Variants in LMNTD1 observed in about 807,000 individuals in gnomAD.
The protein encoded by LMNTD1 is lamin tail domain-containing protein 1.
Under a neutral mutation model 50.9 loss-of-function variants are expected in LMNTD1, and 35 were observed. That is an observed-to-expected ratio of 0.69 (90% CI 0.53 to 0.91). The LOEUF is 0.91. Ranked by LOEUF, LMNTD1 falls within the 40% of genes least tolerant of loss-of-function variation. LMNTD1 has a pLI of 0.00. For synonymous variants in LMNTD1, 153 were observed against 161.9 expected (o/e 0.94, Z 0.42); for missense variants, 470 against 475.5 (o/e 0.99, Z 0.11).
chr12:25,561,355 T>C (rs1944313317), intron 1 of LMNTD1, among the ~76,000 whole-genome samples: 2 of 152,244 alleles, frequency 1.3e-5, no homozygotes, highest in South Asian at 2.1e-4. Context: ...TTTGTTCTCC[T>C]TGGTTTCAAA....
At chr12:25,489,305 G>T (rs181740597) in intron 9 of LMNTD1, among the ~76,000 whole-genome samples, 5 of 150,700 alleles carry the variant, frequency 3.3e-5, no homozygotes, top group African/African-American at 9.7e-5. Flanking sequence ...GACCCTCCGA[G>T]CCAGGTGTGG....
chr12:25,477,937 T>G (rs1281670264), intron 9 of LMNTD1, among the ~76,000 whole-genome samples: 1 of 152,104 alleles, frequency 6.6e-6, no homozygotes, highest in East Asian at 1.9e-4. Flanking sequence ...ACTGAAGAAC[T>G]TGGAGTCCGA....
At chr12:25,527,681 T>TATATATATATATATACAC (rs1463259109) in intron 4 of LMNTD1, among the ~76,000 whole-genome samples, 6 of 32,350 alleles carry the variant, frequency 1.9e-4, no homozygotes, top group Admixed American at 4.0e-4. Context: ...TATATATATA[T>TATATATATATATATACAC]ACACACACAC....
Position 25,526,184 on chromosome 12 carries a change from G to T in LMNTD1, c.713C>A (p.Pro238His). Residue 238 changes from proline (P) to histidine (H), a missense_variant, in exon 6 of 10, where the codon CCT becomes CAT. Coordinates refer to ENST00000458174, the MANE Select transcript of LMNTD1 (RefSeq NM_001145728.2). ...TTCCTTCCAAAGAAAATCTGATGGAGGTTGATGCTTTGCTTCAGATGCTGC... is the reference window on the plus strand; with the variant it reads ...TTCCTTCCAAAGAAAATCTGATGGATGTTGATGCTTTGCTTCAGATGCTGC... ...WAAASEAKHQ[P>H]PSDFLWKEQD... 1 of 1,610,956 alleles carries T rather than the reference G, an allele frequency of 6.2e-7. No individual in the cohort carries two copies. The highest frequency in any genetic ancestry group is 8.5e-7 in the Non-Finnish European group (1 of 1,178,260).
chr12:25,565,489 C>G (rs991896786), intron 1 of LMNTD1, among the ~76,000 whole-genome samples: 1 of 152,182 alleles, frequency 6.6e-6, no homozygotes, highest in African/African-American at 2.4e-5. Context: ...TGTGCCTTAA[C>G]TTTGTCCCCA....
chr12:25,568,105 G>A (rs1265208096), intron 1 of LMNTD1, among the ~76,000 whole-genome samples: 3 of 152,186 alleles, frequency 2.0e-5, no homozygotes, highest in Non-Finnish European at 4.4e-5. Flanking sequence ...GTGAAGTCCA[G>A]TCTGAGAAGG....
rs1943880342 is a variant in LMNTD1 at position 25,553,276 on chromosome 12, A to T, written c.-238T>A. On this transcript the variant is annotated 5_prime_UTR_variant, in exon 1 of 10. Transcript: ENST00000458174. ...GCAGTAACTTGGCAAAGAGACCTTT[A>T]TGACTACAGTTGTTGCTTCTGGCCA... 2.1e-6 allele frequency: 3 copies of T among 1,443,374 alleles called. No homozygotes were observed. Among genetic ancestry groups the T allele is most frequent in the Non-Finnish European group, 1.8e-6 (2 of 1,102,036 alleles). The allele number at this position is 1,443,374 out of a possible 1,614,324, so 89.4% of individuals were successfully genotyped here.
At chr12:25,492,625 T>C (rs906711387) in intron 9 of LMNTD1, among the ~76,000 whole-genome samples, 1 of 152,258 alleles carries the variant, frequency 6.6e-6, no homozygotes, top group Non-Finnish European at 1.5e-5. Context: ...TATCTATACA[T>C]GTGAGCTAGA....
chr12:25,595,213 C>A (rs1236862116), intron 1 of LMNTD1, among the ~76,000 whole-genome samples: 2 of 152,082 alleles, frequency 1.3e-5, no homozygotes, highest in Non-Finnish European at 2.9e-5. Flanking sequence ...TTAAACTATA[C>A]CCTGAAACAA....
chr12:25,556,668 C>G (rs16929056), upstream of LMNTD1, among the ~76,000 whole-genome samples: 4,875 of 152,104 alleles, frequency 0.032, 290 homozygotes, highest in African/African-American at 0.11. Context: ...AATTGAAGCC[C>G]CATAAGAGTA....
intron 8 of LMNTD1, among the ~76,000 whole-genome samples, chr12:25,511,946 T>C (rs1377513412): frequency 2.0e-5 from 3 of 152,188 alleles, no homozygotes; most frequent in Admixed American, 2.0e-4. Flanking sequence ...TAACTCCTAT[T>C]CGACCTTCAA....
At chr12:25,629,264 T>A (rs1289296337) in intron 1 of LMNTD1, among the ~76,000 whole-genome samples, 1 of 152,092 alleles carries the variant, frequency 6.6e-6, no homozygotes, top group Non-Finnish European at 1.5e-5. Flanking sequence ...TCTCACAGAG[T>A]GGCCCAGGTC....
At chr12:25,524,494 C>A (rs2084156275) in intron 6 of LMNTD1, among the ~76,000 whole-genome samples, 1 of 152,120 alleles carries the variant, frequency 6.6e-6, no homozygotes, top group Admixed American at 6.5e-5. Flanking sequence ...AAGTACAAAG[C>A]CTAATTCAGT....
chr12:25,545,674 T>C (rs1242316007), intron 4 of LMNTD1, among the ~76,000 whole-genome samples: 1 of 151,602 alleles, frequency 6.6e-6, no homozygotes, highest in Non-Finnish European at 1.5e-5. Context: ...TTTTAGACAG[T>C]AGAGAAAAAT....
upstream of LMNTD1, among the ~76,000 whole-genome samples, chr12:25,554,051 G>A (rs1480978949): frequency 7.2e-5 from 11 of 152,178 alleles, no homozygotes; most frequent in Admixed American, 6.5e-4. Flanking sequence ...GTCAAGACGT[G>A]TAACACGTAA....
Position 25,519,937 on chromosome 12 carries a change from T to C in LMNTD1, c.937A>G (p.Ile313Val). Reference sequence around the variant, plus strand: ...GGTTGATCTTGTTTTTCTTTAGTTATTGTAGCTGTAGATGCTGTCCACTGA... The same window carrying C: ...GGTTGATCTTGTTTTTCTTTAGTTACTGTAGCTGTAGATGCTGTCCACTGA... ...VFQWTASTAT[I>V]TKEKQDQPKK... is the part of the protein sequence containing the mutation. Residue 313 changes from isoleucine to valine, a missense_variant, in exon 7 of 10, where the codon ATA (isoleucine) becomes GTA (valine). Coordinates refer to ENST00000458174, the MANE Select transcript of LMNTD1 (RefSeq NM_001145728.2). 1 of 1,613,338 alleles carries C rather than the reference T, an allele frequency of 6.2e-7. No homozygotes were observed. The highest frequency in any genetic ancestry group is 8.5e-7 in the Non-Finnish European group (1 of 1,179,654).
chr12:25,631,338 A>G (rs1946715197), intron 1 of LMNTD1, among the ~76,000 whole-genome samples: 1 of 152,222 alleles, frequency 6.6e-6, no homozygotes, highest in Admixed American at 6.5e-5. Flanking sequence ...GAGGCCAACC[A>G]GCACAAAAAT....
At chr12:25,582,691 A>AG (rs1365116573) in intron 1 of LMNTD1, among the ~76,000 whole-genome samples, 1 of 152,234 alleles carries the variant, frequency 6.6e-6, no homozygotes, top group African/African-American at 2.4e-5. Flanking sequence ...GAGTTATGTG[A>AG]GAAATCATCT....
chr12:25,627,632 G>A (rs190975832), intron 1 of LMNTD1, among the ~76,000 whole-genome samples: 1,878 of 150,652 alleles, frequency 0.012, 16 homozygotes, highest in Middle Eastern at 0.028. Context: ...CCTTCTGAAC[G>A]TGTGGATGCT....
Sources: gnomAD v4.1 joint callset for allele counts (sites outside exome capture counted in the v4.1 genomes callset) on GRCh38, gnomAD v4.1.1 for gene constraint, MANE v1.5 for transcripts, NCBI Gene and HGNC (gene_info 2026-07-23, HGNC 2026-07-21) for gene names.